Variants in C20orf96 observed in about 807,000 individuals in gnomAD.
C20orf96 encodes the protein uncharacterized protein C20orf96.
C20orf96 carries 57 observed loss-of-function variants against 52.6 expected under a neutral mutation model. That is an observed-to-expected ratio of 1.08 (90% CI 0.88 to 1.35). The LOEUF (loss-of-function observed/expected upper bound fraction) is 1.35. Ranked by LOEUF, C20orf96 falls within the 40% of genes most tolerant of loss-of-function variation. The pLI is 0.00. For synonymous variants in C20orf96, 168 were observed against 157.2 expected (o/e 1.07, Z -0.51); for missense variants, 478 against 443.6 (o/e 1.08, Z -0.70).
chr20:283,863 G>T, intron 4 of C20orf96, 100 bp downstream of exon 4: 1 of 829,550 alleles, frequency 1.2e-6, no homozygotes, highest in Non-Finnish European at 2.1e-6. Context: ...GAAGAAATGA[G>T]TCAAGTCTGG....
chr20:283,802 C>T (rs41279016), intron 4 of C20orf96, among the ~76,000 whole-genome samples, 161 bp downstream of exon 4: 6,069 of 152,128 alleles, frequency 0.04, 177 homozygotes, highest in East Asian at 0.11. Flanking sequence ...CTCAGTTTCC[C>T]GGTTTGTAAA....
At chr20:272,999 G>C (rs931708048) in intron 10 of C20orf96, among the ~76,000 whole-genome samples, 6 of 152,154 alleles carry the variant, frequency 3.9e-5, no homozygotes, top group Non-Finnish European at 7.3e-5. Context: ...TTTTAAGAAA[G>C]AGTCTTGCTC....
chr20:290,335 T>A, intron 1 of C20orf96, 28 bp from the exon 2 acceptor site: 1 of 1,611,086 alleles, frequency 6.2e-7, no homozygotes, highest in Non-Finnish European at 8.5e-7. Flanking sequence ...GGGAAAGAAC[T>A]TCCATTATCC....
At chr20:290,361 G>A (rs751391253) in intron 1 of C20orf96, 54 bp from the exon 2 acceptor site, 4 of 1,599,848 alleles carry the variant, frequency 2.5e-6, no homozygotes, top group Admixed American at 1.7e-5. Context: ...CCAAGGGGCA[G>A]CAAGCAGCAA....
chr20:290,491 A>AC, intron 1 of C20orf96, 100 bp downstream of exon 1: 1 of 1,455,052 alleles, frequency 6.9e-7, no homozygotes, highest in Non-Finnish European at 9.0e-7. Context: ...CAGAAGACCG[A>AC]GGGCGACCTC....
At position 279,197 on chromosome 20, in the gene C20orf96, A is replaced by AG; in HGVS notation, c.439dup (p.Leu147ProfsTer29). 6.2e-7 allele frequency: 1 copy of AG among 1,603,332 alleles called. No homozygotes were observed. The stretch of plus-strand genomic sequence containing the variant: ...CGCCAGGGTGTCCTGCTGCTGCAGC[A>AG]GGGCCCGCACGTGCAGGGTCGTGCT... On this transcript the variant is annotated frameshift_variant, in exon 5 of 11. Transcript: ENST00000360321. LOFTEE classifies it high-confidence loss of function.
intron 10 of C20orf96, among the ~76,000 whole-genome samples, chr20:275,096 C>G (rs149702622): frequency 6.6e-6 from 1 of 152,192 alleles, no homozygotes; most frequent in South Asian, 2.1e-4. Flanking sequence ...GGATTACAGG[C>G]GTGAGCCACT....
chr20:286,853 C>T (rs1186843298), intron 3 of C20orf96, among the ~76,000 whole-genome samples: 1 of 152,212 alleles, frequency 6.6e-6, no homozygotes, highest in African/African-American at 2.4e-5. Flanking sequence ...AATCACTAAT[C>T]TGCTCTCCAT....
intron 3 of C20orf96, among the ~76,000 whole-genome samples, chr20:286,952 A>G (rs1469243972): frequency 6.6e-6 from 1 of 152,160 alleles, no homozygotes; most frequent in Non-Finnish European, 1.5e-5. Context: ...ACTTGGCATA[A>G]TTCTCTGGAG....
chr20:283,524 G>A (rs2012304448), intron 4 of C20orf96, among the ~76,000 whole-genome samples: 1 of 151,916 alleles, frequency 6.6e-6, no homozygotes, highest in Non-Finnish European at 1.5e-5. Context: ...GGCTGGTCTC[G>A]AACTCCTGAC....
intron 4 of C20orf96, 24 bp from the exon 5 acceptor site, chr20:279,354 G>GA: frequency 6.3e-7 from 1 of 1,596,648 alleles, no homozygotes; most frequent in Non-Finnish European, 8.5e-7. Flanking sequence ...GAAGAGCAGA[G>GA]AGGCGGCGCT....
intron 3 of C20orf96, among the ~76,000 whole-genome samples, chr20:288,162 C>CTTTTTCTTTTTT (rs1600191848): frequency 1.1e-5 from 1 of 93,094 alleles, no homozygotes; most frequent in Admixed American, 1.0e-4. Flanking sequence ...TCATTTCTTT[C>CTTTTTCTTTTTT]TTTTTCTTTT....
intron 10 of C20orf96, among the ~76,000 whole-genome samples, chr20:273,988 GAGAGAGAA>G (rs1199939623): frequency 6.9e-6 from 1 of 144,462 alleles, no homozygotes; most frequent in East Asian, 2.0e-4. Context: ...GAGAAAGACA[GAGAGAGAA>G]AGAAAGAAAG....
At chr20:290,134 G>A (rs6047276) in intron 2 of C20orf96, 125 bp downstream of exon 2, 268,894 of 708,036 alleles carry the variant, frequency 0.38, 52,477 homozygotes, top group East Asian at 0.53. Context: ...AGTGTGACCC[G>A]GCTGGGACTG....
At chr20:279,468 C>T in intron 4 of C20orf96, 138 bp from the exon 5 acceptor site, 1 of 983,762 alleles carries the variant, frequency 1.0e-6, no homozygotes, top group Non-Finnish European at 1.4e-6. Flanking sequence ...GCGGCCCAAG[C>T]TGGGCGGTTC....
intron 10 of C20orf96, among the ~76,000 whole-genome samples, chr20:274,802 T>G (rs1232212896): frequency 6.7e-6 from 1 of 148,978 alleles, no homozygotes; most frequent in Non-Finnish European, 1.5e-5. Flanking sequence ...TTGCTTTCTT[T>G]TTTCTTTTTT....
chr20:287,374 G>A (rs1476266960), intron 3 of C20orf96, among the ~76,000 whole-genome samples: 1 of 152,166 alleles, frequency 6.6e-6, no homozygotes, highest in Admixed American at 6.5e-5. Flanking sequence ...GGTGTGCAGT[G>A]ATATCTCACT....
At chr20:273,011 A>G (rs751326896) in intron 10 of C20orf96, among the ~76,000 whole-genome samples, 1 of 152,088 alleles carries the variant, frequency 6.6e-6, no homozygotes, top group South Asian at 2.1e-4. Context: ...GTCTTGCTCT[A>G]TTAAGCAGGC....
At chr20:276,589 G>A in intron 9 of C20orf96, 1 of 985,376 alleles carries the variant, frequency 1.0e-6, no homozygotes, top group Non-Finnish European at 1.2e-6. Flanking sequence ...GCTGGCTAAT[G>A]AGGCAAGGCC....
Sources: gnomAD v4.1 joint callset for allele counts (sites outside exome capture counted in the v4.1 genomes callset) on GRCh38, gnomAD v4.1.1 for gene constraint, MANE v1.5 for transcripts, NCBI Gene and HGNC (gene_info 2026-07-23, HGNC 2026-07-21) for gene names.